Variants in TENM4 observed in about 807,000 individuals in gnomAD.
TENM4 encodes the protein teneurin-4.
In TENM4, 82 loss-of-function variants were observed where a neutral mutation model predicts 243.3. That is an observed-to-expected ratio of 0.34 (90% CI 0.28 to 0.40). The LOEUF (loss-of-function observed/expected upper bound fraction) is 0.40. Among genes scored for constraint, TENM4 ranks in the 10% least tolerant of loss-of-function variants. The pLI, the probability that TENM4 is intolerant of heterozygous loss-of-function variation, is 1.00. For synonymous variants in TENM4, 1,412 were observed against 1,456.3 expected (o/e 0.97, Z 0.69); for missense variants, 3,138 against 3,673.3 (o/e 0.85, Z 3.77).
chr11:78,735,834 T>TCCAAC (rs1855773871), intron 20 of TENM4, among the ~76,000 whole-genome samples: 1 of 102,338 alleles, frequency 9.8e-6, no homozygotes, highest in African/African-American at 2.8e-5. Context: ...TTGTCTTGGC[T>TCCAAC]CCCACCCCTC....
chr11:79,321,640 C>CA (rs60886884), intron 1 of TENM4, among the ~76,000 whole-genome samples: 1,053 of 81,668 alleles, frequency 0.013, 2 homozygotes, highest in East Asian at 0.032. Flanking sequence ...AGGAAATTAC[C>CA]AAAAAAAAAA....
At chr11:79,304,381 A>C (rs573207054) in intron 1 of TENM4, among the ~76,000 whole-genome samples, 5 of 152,212 alleles carry the variant, frequency 3.3e-5, no homozygotes, top group African/African-American at 1.2e-4. Context: ...AAGTCTGTTG[A>C]TCTAAGCTGA....
chr11:79,362,968 T>G (rs539643288), intron 1 of TENM4, among the ~76,000 whole-genome samples: 8 of 152,346 alleles, frequency 5.3e-5, no homozygotes, highest in African/African-American at 1.9e-4. Context: ...GCAATAATGT[T>G]GGAACAAGCA....
At position 78,894,944 on chromosome 11, in the gene TENM4, T is replaced by C. The variant is rs574554826; in HGVS notation, c.750-3608A>G. On this transcript the variant is annotated intron_variant, in intron 7 of 33. Transcript: ENST00000278550. ...GGGGAGGCTGAGGCTGCCATAAGCC[T>C]CTGCACTCCAGTCCGGTCCAACGAG... Among the ~76,000 whole-genome samples, 437 of 130,494 alleles carry C rather than the reference T, an allele frequency of 3.3e-3. 11 individuals carry two copies. Among genetic ancestry groups the C allele is most frequent in the Non-Finnish European group, 6.0e-4 (39 of 64,918 alleles). The allele number at this position is 130,494 out of a possible 152,430, so 85.6% of individuals were successfully genotyped here. A position where few individuals can be genotyped will look rare whatever the true frequency, so the allele number is the denominator to read the frequency against.
chr11:79,043,058 C>T (rs1859576800), intron 6 of TENM4, among the ~76,000 whole-genome samples: 1 of 152,180 alleles, frequency 6.6e-6, no homozygotes, highest in South Asian at 2.1e-4. Flanking sequence ...CCTGGCTAGA[C>T]TGCCAGCAAT....
At chr11:78,699,992 C>T (rs1282336752) in intron 28 of TENM4, among the ~76,000 whole-genome samples, 1 of 152,188 alleles carries the variant, frequency 6.6e-6, no homozygotes, top group Non-Finnish European at 1.5e-5. Context: ...TTTCCTGGAT[C>T]TTTGTCTTTT....
intron 6 of TENM4, among the ~76,000 whole-genome samples, chr11:78,942,902 G>A (rs1012051090): frequency 6.6e-6 from 1 of 151,660 alleles, no homozygotes; most frequent in African/African-American, 2.4e-5. Context: ...TCTGAAGCCA[G>A]TTCTGGCTGA....
chr11:79,320,509 G>C (rs1264267490), intron 1 of TENM4, among the ~76,000 whole-genome samples: 2 of 152,138 alleles, frequency 1.3e-5, no homozygotes, highest in African/African-American at 4.8e-5. Flanking sequence ...GCTCCTCAGG[G>C]TAACTATTGC....
intron 1 of TENM4, among the ~76,000 whole-genome samples, chr11:79,411,329 T>G (rs1380348388): frequency 6.6e-6 from 1 of 152,222 alleles, no homozygotes; most frequent in Non-Finnish European, 1.5e-5. Context: ...CCCTTGCTTT[T>G]GTTTGATGAT....
chr11:78,856,403 A>G (rs912507129), intron 10 of TENM4, among the ~76,000 whole-genome samples: 3 of 152,122 alleles, frequency 2.0e-5, no homozygotes, highest in Non-Finnish European at 4.4e-5. Context: ...TGCTAAAAAT[A>G]TGCATTCTTC....
chr11:79,041,912 T>C (rs531478144), intron 6 of TENM4, among the ~76,000 whole-genome samples: 1 of 152,298 alleles, frequency 6.6e-6, no homozygotes, highest in East Asian at 1.9e-4. Context: ...TGATAGTAAC[T>C]TGGTTCTGAC....
At chr11:79,361,665 A>T (rs916711039) in intron 1 of TENM4, among the ~76,000 whole-genome samples, 4 of 152,184 alleles carry the variant, frequency 2.6e-5, no homozygotes, top group African/African-American at 9.7e-5. Flanking sequence ...GCACAAATAG[A>T]CTACTTTGAA....
At chr11:79,439,582 C>G (rs980320992) in intron 1 of TENM4, among the ~76,000 whole-genome samples, 1 of 151,766 alleles carries the variant, frequency 6.6e-6, no homozygotes, top group Non-Finnish European at 1.5e-5. Flanking sequence ...CCGACCCCCC[C>G]GCCAAGAAGG....
intron 4 of TENM4, among the ~76,000 whole-genome samples, chr11:79,090,603 T>C (rs1228278574): frequency 6.6e-6 from 1 of 152,156 alleles, no homozygotes; most frequent in East Asian, 1.9e-4. Context: ...TTAGCCAAAG[T>C]TGTATAGTCA....
At chr11:79,164,979 G>A (rs1862880765) in intron 3 of TENM4, among the ~76,000 whole-genome samples, 1 of 151,724 alleles carries the variant, frequency 6.6e-6, no homozygotes, top group Non-Finnish European at 1.5e-5. Flanking sequence ...GTGTGTGTGT[G>A]TGTGTGTGTG....
intron 16 of TENM4, among the ~76,000 whole-genome samples, chr11:78,782,763 CTTT>C (rs761549007): frequency 1.1e-5 from 1 of 91,464 alleles, no homozygotes; most frequent in African/African-American, 3.1e-5. Context: ...GAGACTCTGT[CTTT>C]TTTTTTAAAA....
At position 79,365,414 on chromosome 11, in the gene TENM4, G is replaced by T. The variant is rs17138232; in HGVS notation, c.-320-67871C>A. ...GAATGATTCCAGGATCTTTTAATTG[G>T]GAGGTTCTGAAATCAAGAGATTTTT... On this transcript the variant is annotated intron_variant, in intron 1 of 33. Coordinates refer to ENST00000278550, the MANE Select transcript of TENM4 (RefSeq NM_001098816.3). 3.4e-3 allele frequency among the ~76,000 whole-genome samples: 520 copies of T among 152,224 alleles called. 3 individuals carry two copies. The highest frequency in any genetic ancestry group is 0.012 in the African/African-American group (500 of 41,546).
chr11:78,659,673 A>G (rs566972432), intron 33 of TENM4, among the ~76,000 whole-genome samples: 3 of 152,334 alleles, frequency 2.0e-5, no homozygotes, highest in Non-Finnish European at 4.4e-5. Flanking sequence ...CACTGCATTT[A>G]CATCTGATTT....
chr11:78,869,716 C>T (rs1027790294), intron 9 of TENM4, among the ~76,000 whole-genome samples: 1 of 152,120 alleles, frequency 6.6e-6, no homozygotes, highest in African/African-American at 2.4e-5. Context: ...ATTTGAACCC[C>T]GATCTAAAAA....
Sources: gnomAD v4.1 joint callset for allele counts (sites outside exome capture counted in the v4.1 genomes callset) on GRCh38, gnomAD v4.1.1 for gene constraint, MANE v1.5 for transcripts, NCBI Gene and HGNC (gene_info 2026-07-23, HGNC 2026-07-21) for gene names.